EFCAB6: variants seen among roughly 807,000 people sequenced by gnomAD.
EFCAB6 encodes the protein EF-hand calcium binding domain 6.
Under a neutral mutation model 169.8 loss-of-function variants are expected in EFCAB6, and 156 were observed. That is an observed-to-expected ratio of 0.92 (90% confidence interval 0.81 to 1.05). The LOEUF is 1.05. Among genes scored for constraint, EFCAB6 ranks in the 50% least tolerant of loss-of-function variants. EFCAB6 has a pLI of 0.00. For missense variants in EFCAB6, 1,800 were observed against 1,829.1 expected (o/e 0.98, Z 0.29); for synonymous variants, 698 against 676.4 (o/e 1.03, Z -0.50).
chr22:43,531,063 C>A, intron 30 of EFCAB6, 99 bp from the exon 31 acceptor site: 1 of 1,508,280 alleles, frequency 6.6e-7, no homozygotes. Context: ...AGCCCTGCTC[C>A]GGCTTCACCT....
In EFCAB6 at chr22:43,770,045, C is replaced by T. The variant is rs182978194; in HGVS notation, c.351+2847G>A. Among the ~76,000 whole-genome samples the T allele has an allele frequency of 3.0e-3, 454 of 151,928 alleles. 4 individuals are homozygous for T. The highest frequency in any genetic ancestry group is 0.01 in the African/African-American group (426 of 41,438). On this transcript the variant is annotated intron_variant, in intron 4 of 31. Coordinates refer to ENST00000262726, the MANE Select transcript of EFCAB6 (RefSeq NM_022785.4). ...AATTTTTTTGTATTTTTAGTAGAGA[C>T]GGGGTTTCTCCATGTTGGTCAGGCT...
At chr22:43,755,679 C>T (rs2060932247) in intron 6 of EFCAB6, 87 bp downstream of exon 6, 21 of 1,224,202 alleles carry the variant, frequency 1.7e-5, no homozygotes, top group Non-Finnish European at 2.1e-5. Context: ...CAAGGTGTGG[C>T]TCATTTTCTA....
At chr22:43,627,653 T>G (rs1224228862) in intron 19 of EFCAB6, among the ~76,000 whole-genome samples, 1 of 152,134 alleles carries the variant, frequency 6.6e-6, no homozygotes, top group East Asian at 1.9e-4. Context: ...GCCTGAAAAG[T>G]TGATGTGGCC....
intron 20 of EFCAB6, among the ~76,000 whole-genome samples, chr22:43,620,571 C>G (rs1319052224): frequency 1.3e-5 from 2 of 152,052 alleles, no homozygotes; most frequent in Admixed American, 1.3e-4. Flanking sequence ...TCCAACAGAC[C>G]TGCTCTAAAA....
At chr22:43,625,877 T>C (rs1310912920) in intron 20 of EFCAB6, among the ~76,000 whole-genome samples, 3 of 152,260 alleles carry the variant, frequency 2.0e-5, no homozygotes, top group Admixed American at 2.0e-4. Context: ...AAGATTTATC[T>C]GCACAGAGTT....
intron 19 of EFCAB6, among the ~76,000 whole-genome samples, chr22:43,627,148 A>G (rs1480599012): frequency 2.0e-5 from 3 of 152,186 alleles, no homozygotes; most frequent in Non-Finnish European, 4.4e-5. Context: ...TGTTTCGATG[A>G]CCGTGATAGA....
At chr22:43,608,066 A>G (rs2053041962) in intron 22 of EFCAB6, among the ~76,000 whole-genome samples, 1 of 152,178 alleles carries the variant, frequency 6.6e-6, no homozygotes, top group Admixed American at 6.5e-5. Context: ...GTGCAGCATT[A>G]ATTTCCATCT....
At chr22:43,770,607 A>G (rs79400447) in intron 4 of EFCAB6, among the ~76,000 whole-genome samples, 4,239 of 152,308 alleles carry the variant, frequency 0.028, 215 homozygotes, top group African/African-American at 0.098. Flanking sequence ...AAAAGTAAAA[A>G]TTCAAGGGAT....
intron 30 of EFCAB6, 119 bp downstream of exon 30, chr22:43,534,569 G>T: frequency 3.2e-6 from 3 of 951,408 alleles, no homozygotes; most frequent in South Asian, 2.2e-5. Flanking sequence ...AGGCTGCAGT[G>T]AACCGTGAAC....
intron 10 of EFCAB6, among the ~76,000 whole-genome samples, chr22:43,702,847 T>C (rs1287100806): frequency 6.6e-6 from 1 of 152,170 alleles, no homozygotes; most frequent in Non-Finnish European, 1.5e-5. Flanking sequence ...AAACCAGCCT[T>C]AGACCCTACC....
intron 2 of EFCAB6, among the ~76,000 whole-genome samples, chr22:43,805,495 A>C (rs2062886406): frequency 6.6e-6 from 1 of 152,232 alleles, no homozygotes. Flanking sequence ...GGAGGAGCTC[A>C]AAAAGTGGAT....
intron 5 of EFCAB6, among the ~76,000 whole-genome samples, chr22:43,756,368 G>A (rs2060958259): frequency 1.3e-5 from 2 of 152,160 alleles, no homozygotes; most frequent in South Asian, 4.1e-4. Flanking sequence ...CCCCTTAACG[G>A]CTCACTTTCA....
At chr22:43,784,201 G>A (rs763773968) in intron 2 of EFCAB6, among the ~76,000 whole-genome samples, 4 of 152,190 alleles carry the variant, frequency 2.6e-5, no homozygotes, top group South Asian at 2.1e-4. Flanking sequence ...AATATTTAAC[G>A]TGTTGAAATA....
At chr22:43,646,582 C>A (rs2056171834) in intron 17 of EFCAB6, among the ~76,000 whole-genome samples, 1 of 152,022 alleles carries the variant, frequency 6.6e-6, no homozygotes, top group African/African-American at 2.4e-5. Context: ...TCATAAATGA[C>A]AAAGGTAATA....
At chr22:43,534,929 A>G in intron 29 of EFCAB6, 57 bp from the exon 30 acceptor site, 1 of 1,530,798 alleles carries the variant, frequency 6.5e-7, no homozygotes, top group Non-Finnish European at 8.8e-7. Context: ...TTCATTCTTC[A>G]CTCATTCATT....
At chr22:43,802,502 ACCTGG>A (rs2062760419) in intron 2 of EFCAB6, 1 of 312,244 alleles carries the variant, frequency 3.2e-6, no homozygotes, top group Non-Finnish European at 6.2e-6. Context: ...CTGCACTTCA[ACCTGG>A]GTGACAGAGC....
chr22:43,755,601 G>A (rs2060928564), intron 6 of EFCAB6, among the ~76,000 whole-genome samples, 165 bp downstream of exon 6: 1 of 152,188 alleles, frequency 6.6e-6, no homozygotes, highest in Non-Finnish European at 1.5e-5. Flanking sequence ...CGGAATACAA[G>A]CTTTCGCACT....
chr22:43,609,395 T>C (rs1318858775), intron 21 of EFCAB6, among the ~76,000 whole-genome samples: 2 of 152,206 alleles, frequency 1.3e-5, no homozygotes, highest in Non-Finnish European at 2.9e-5. Flanking sequence ...TATTATTCAC[T>C]GACATGACTG....
chr22:43,748,544 T>G lies in EFCAB6; in HGVS notation c.507+7222A>C, dbSNP rs924470178. On this transcript the variant is annotated intron_variant, in intron 6 of 31. Transcript: ENST00000262726. ...CCAAACTCAAGCTCCAATATCACCT[T>G]CCTCATCCAATTGTTCCTGGCTATT... 1.3e-5 allele frequency among the ~76,000 whole-genome samples: 2 copies of G among 152,170 alleles called. 1 individual carries two copies. Among genetic ancestry groups the G allele is most frequent in the African/African-American group, 4.8e-5 (2 of 41,434 alleles).
Sources: gnomAD v4.1 joint callset for allele counts (sites outside exome capture counted in the v4.1 genomes callset) on GRCh38, gnomAD v4.1.1 for gene constraint, MANE v1.5 for transcripts, NCBI Gene and HGNC (gene_info 2026-07-23, HGNC 2026-07-21) for gene names.